Variants in FAM168B observed in about 807,000 individuals in gnomAD.
FAM168B encodes the protein family with sequence similarity 168 member B.
In FAM168B, 19 loss-of-function variants were observed where a neutral mutation model predicts 21.8. That is an observed-to-expected ratio of 0.87 (90% CI 0.61 to 1.28). The LOEUF is 1.28. FAM168B is among the 50% of genes most tolerant of loss of function. The pLI is 0.00. For synonymous variants in FAM168B, 126 were observed against 104.8 expected (o/e 1.20, Z -1.24); for missense variants, 233 against 263.1 (o/e 0.89, Z 0.79).
intron 2 of FAM168B, among the ~76,000 whole-genome samples, chr2:131,076,333 C>T (rs932962183): frequency 1.3e-5 from 2 of 152,272 alleles, no homozygotes; most frequent in Non-Finnish European, 1.5e-5. Flanking sequence ...CATCAAGGCA[C>T]CAGAGCGATC....
At position 131,055,381 on chromosome 2, in the gene FAM168B, C is replaced by T. The variant is rs1170749779; in HGVS notation, c.366G>A (p.Val122=). The change falls in exon 5 of 7, where the codon GTG becomes GTA. Residue 122 remains valine (V), a synonymous_variant. Transcript: ENST00000389915. The part of the protein sequence containing the change: ...PPHVIHHTTV[V]QPNGMPATVY... The stretch of plus-strand genomic sequence containing the variant: ...CCGTTGCAGGCATGCCGTTGGGCTG[C>T]ACCACCGTGGTGTGGTGGATGACGT... 4.4e-6 allele frequency: 7 copies of T among 1,602,216 alleles called. No individual in the cohort carries two copies. In the Middle Eastern group the frequency reaches 5.0e-4, roughly 114 times the overall value.
chr2:131,076,792 G>A (rs781732326), intron 2 of FAM168B, among the ~76,000 whole-genome samples: 9 of 152,084 alleles, frequency 5.9e-5, no homozygotes, highest in African/African-American at 2.2e-4. Context: ...CACTTAATAC[G>A]TAAGTAACTT....
intron 3 of FAM168B, among the ~76,000 whole-genome samples, chr2:131,063,361 C>T (rs1692400486): frequency 1.3e-5 from 2 of 152,194 alleles, no homozygotes. Context: ...TGTGAGGCTA[C>T]GTTCTAATGC....
chr2:131,079,558 C>G (rs1693330821), intron 2 of FAM168B, among the ~76,000 whole-genome samples: 1 of 152,188 alleles, frequency 6.6e-6, no homozygotes, highest in South Asian at 2.1e-4. Flanking sequence ...AAGCCACATG[C>G]TAAAGACTGC....
Position 131,052,427 on chromosome 2 carries a change from G to A in FAM168B, c.*38C>T, listed in dbSNP as rs1055401465. ...CACCAGCTGTGGAATCCCCAATAAT[G>A]TGACTGCACAGCTCCGTCCTCAAAC... On this transcript the variant is annotated 3_prime_UTR_variant, in exon 7 of 7. Coordinates refer to ENST00000389915, the MANE Select transcript of FAM168B (RefSeq NM_001009993.4). 3.0e-6 allele frequency: 3 copies of A among 990,086 alleles called. No homozygotes were observed. Among genetic ancestry groups the A allele is most frequent in the Middle Eastern group, 5.2e-4 (1 of 1,932 alleles). The allele number at this position is 990,086 out of a possible 1,614,324, so 61.3% of individuals were successfully genotyped here. A position where few individuals can be genotyped will look rare whatever the true frequency, so the allele number is the denominator to read the frequency against.
chr2:131,067,372 C>T (rs1692617329), intron 3 of FAM168B, among the ~76,000 whole-genome samples: 1 of 152,168 alleles, frequency 6.6e-6, no homozygotes, highest in Non-Finnish European at 1.5e-5. Flanking sequence ...CAAAAGTGCT[C>T]TGGAAGTCAG....
In FAM168B at chr2:131,048,567, C is replaced by T. The variant is rs559087942; in HGVS notation, c.*3898G>A. 5.4e-5 allele frequency: 60 copies of T among 1,105,334 alleles called. No individual in the cohort carries two copies. Among genetic ancestry groups the T allele is most frequent in the Middle Eastern group, 8.4e-4 (2 of 2,370 alleles). The allele number at this position is 1,105,334 out of a possible 1,614,324, so 68.5% of individuals were successfully genotyped here. ...CAAACTTTCTGAAACATGCAGTTTC[C>T]GACCCAAATAGGCCACATACCCCAA... On this transcript the variant is annotated 3_prime_UTR_variant, in exon 7 of 7. Transcript: ENST00000389915.
Position 131,088,152 on chromosome 2 carries a change from A to G in FAM168B, c.-12+5062T>C, listed in dbSNP as rs192353838. ...TCCCAGCTACTCGGGAGGCTAAGGC[A>G]TGAGAACCGCTTCAACCTGGGAGGT... On this transcript the variant is annotated intron_variant, in intron 1 of 6. Coordinates refer to ENST00000389915, the MANE Select transcript of FAM168B (RefSeq NM_001009993.4). 3.4e-3 allele frequency among the ~76,000 whole-genome samples: 513 copies of G among 152,266 alleles called. 4 individuals are homozygous for G. The highest frequency in any genetic ancestry group is 6.8e-3 in the Middle Eastern group (2 of 294).
intron 1 of FAM168B, among the ~76,000 whole-genome samples, chr2:131,085,875 A>G (rs1693669668): frequency 6.6e-6 from 1 of 152,232 alleles, no homozygotes; most frequent in Non-Finnish European, 1.5e-5. Flanking sequence ...GCCTGCCAAG[A>G]GTGCTGAGCA....
chr2:131,067,289 T>C (rs1450714099), intron 3 of FAM168B, among the ~76,000 whole-genome samples: 1 of 152,078 alleles, frequency 6.6e-6, no homozygotes. Flanking sequence ...AAAAGACATC[T>C]CATCACAAGG....
At chr2:131,075,557 T>C (rs1304854007) in intron 2 of FAM168B, among the ~76,000 whole-genome samples, 3 of 151,700 alleles carry the variant, frequency 2.0e-5, no homozygotes, top group East Asian at 3.9e-4. Flanking sequence ...TGCAGTGGCG[T>C]GATCTCGGCT....
At chr2:131,066,182 ACTGAG>A (rs1462031616) in intron 3 of FAM168B, among the ~76,000 whole-genome samples, 6 of 137,974 alleles carry the variant, frequency 4.3e-5, no homozygotes, top group African/African-American at 1.4e-4. Flanking sequence ...TTTTTTTGAG[ACTGAG>A]TGGAGTCTCG....
rs2105448871 is a variant in FAM168B at position 131,051,955 on chromosome 2, C to T, written c.*510G>A. The stretch of plus-strand genomic sequence containing the variant: ...ATCCCTAACTGGCAACCCACATCAA[C>T]CCCAAAAGGTTGAAGAATCATCTAA... On this transcript the variant is annotated 3_prime_UTR_variant, in exon 7 of 7. Transcript: ENST00000389915. The T allele has an allele frequency of 1.0e-6, 1 of 985,520 alleles. No individual in the cohort carries two copies. The highest frequency in any genetic ancestry group is 1.7e-5 in the African/African-American group (1 of 57,362). The allele number at this position is 985,520 out of a possible 1,614,324, so 61.0% of individuals were successfully genotyped here.
At chr2:131,087,831 GAA>G (rs1693793942) in intron 1 of FAM168B, among the ~76,000 whole-genome samples, 2 of 152,208 alleles carry the variant, frequency 1.3e-5, no homozygotes, top group Non-Finnish European at 2.9e-5. Context: ...AGTTGGACAT[GAA>G]CATTTGTAAC....
At chr2:131,070,449 G>C (rs1362801809) in intron 3 of FAM168B, among the ~76,000 whole-genome samples, 5 of 152,192 alleles carry the variant, frequency 3.3e-5, no homozygotes. Context: ...CTGCTGGTAG[G>C]AATGTAAAAT....
At chr2:131,084,285 G>T (rs1307792507) in intron 1 of FAM168B, among the ~76,000 whole-genome samples, 1 of 151,036 alleles carries the variant, frequency 6.6e-6, no homozygotes, top group Non-Finnish European at 1.5e-5. Context: ...GACCTCCTGG[G>T]TTCAAGTGAT....
At chr2:131,060,129 G>T (rs1174925137) in intron 3 of FAM168B, among the ~76,000 whole-genome samples, 2 of 152,082 alleles carry the variant, frequency 1.3e-5, no homozygotes, top group Admixed American at 1.3e-4. Context: ...AGGTTTAAGA[G>T]ATTCTTCTGC....
chr2:131,049,246 A>G lies in FAM168B; in HGVS notation c.*3219T>C, dbSNP rs1020492933. 10 of 985,438 alleles carry G rather than the reference A, an allele frequency of 1.0e-5. No individual in the cohort carries two copies. Among genetic ancestry groups the G allele is most frequent in the South Asian group, 4.7e-5 (1 of 21,286 alleles). The allele number at this position is 985,438 out of a possible 1,614,324, so 61.0% of individuals were successfully genotyped here. A position where few individuals can be genotyped will look rare whatever the true frequency, so the allele number is the denominator to read the frequency against. On this transcript the variant is annotated 3_prime_UTR_variant, in exon 7 of 7. Coordinates refer to ENST00000389915, the MANE Select transcript of FAM168B (RefSeq NM_001009993.4). The stretch of plus-strand genomic sequence containing the variant: ...CATCACAGCCAGATGATGCCACCAG[A>G]AAGAGCAAGGTACTGTATGCCCAGC...
At chr2:131,082,510 C>T (rs1265532408) in intron 2 of FAM168B, 67 bp downstream of exon 2, 3 of 1,095,404 alleles carry the variant, frequency 2.7e-6, no homozygotes, top group African/African-American at 1.6e-5. Flanking sequence ...AGAAAGCATT[C>T]TTAGTGACAT....
Sources: allele counts gnomAD v4.1 joint callset (sites outside exome capture counted in the v4.1 genomes callset), GRCh38; gene constraint gnomAD v4.1.1; transcripts MANE v1.5; gene names NCBI Gene and HGNC (gene_info 2026-07-23, HGNC 2026-07-21).